IPO11: variants seen among roughly 807,000 people sequenced by gnomAD.
IPO11 encodes the protein importin-11.
A neutral mutation model predicts 143.2 loss-of-function variants in IPO11; 66 were observed. That is an observed-to-expected ratio of 0.46 (90% CI 0.38 to 0.57). The LOEUF is 0.57. IPO11 is among the 20% of genes least tolerant of loss of function. The probability of loss-of-function intolerance (pLI) is 0.00; values close to 1 mark genes in which losing one functional copy is unlikely to be tolerated. For synonymous variants in IPO11, 385 were observed against 377.8 expected (o/e 1.02, Z -0.22); for missense variants, 1,026 against 1,141.0 (o/e 0.90, Z 1.45).
intron 1 of IPO11, chr5:62,418,863 T>G (rs1743390167): frequency 1.2e-6 from 1 of 818,570 alleles, no homozygotes; most frequent in Admixed American, 3.0e-5. Context: ...CTTATATGCC[T>G]GTGCAGGGGT....
intron 3 of IPO11, among the ~76,000 whole-genome samples, chr5:62,445,757 G>T (rs939944885): frequency 1.3e-5 from 2 of 152,138 alleles, no homozygotes; most frequent in Admixed American, 6.5e-5. Context: ...ATGATGTTCA[G>T]TAGGTTAGAT....
chr5:62,557,741 C>G (rs1743626973), intron 26 of IPO11, among the ~76,000 whole-genome samples: 2 of 152,026 alleles, frequency 1.3e-5, no homozygotes, highest in Admixed American at 1.3e-4. Flanking sequence ...ATGCTGTGTT[C>G]TTATTCTGGA....
intron 1 of IPO11, among the ~76,000 whole-genome samples, chr5:62,415,610 C>T (rs555431213): frequency 3.3e-5 from 5 of 151,562 alleles, no homozygotes; most frequent in African/African-American, 7.3e-5. Flanking sequence ...CTGGGATTAC[C>T]GGCATGCACC....
At chr5:62,563,164 A>G (rs566600626) in intron 27 of IPO11, among the ~76,000 whole-genome samples, 2 of 152,360 alleles carry the variant, frequency 1.3e-5, no homozygotes, top group South Asian at 2.1e-4. Context: ...TAAGTTACCT[A>G]CATTTTAACT....
chr5:62,470,814 TTC>T (rs1745741147), intron 7 of IPO11, among the ~76,000 whole-genome samples: 4 of 107,650 alleles, frequency 3.7e-5, no homozygotes, highest in African/African-American at 1.5e-4. Flanking sequence ...GATAGCCATC[TTC>T]TTTTTTTTTT....
intron 29 of IPO11, among the ~76,000 whole-genome samples, chr5:62,608,200 CT>C (rs1745798581): frequency 6.6e-6 from 1 of 152,154 alleles, no homozygotes; most frequent in Non-Finnish European, 1.5e-5. Flanking sequence ...CTAATCATTC[CT>C]TTTCTTTTGG....
chr5:62,558,304 CAAT>C (rs1743646267), intron 26 of IPO11, among the ~76,000 whole-genome samples: 1 of 152,112 alleles, frequency 6.6e-6, no homozygotes, highest in Non-Finnish European at 1.5e-5. Context: ...AATAAACTAT[CAAT>C]AATAAGCTAG....
At chr5:62,533,964 AAAAG>A (rs70981022) in intron 22 of IPO11, among the ~76,000 whole-genome samples, 5 of 148,658 alleles carry the variant, frequency 3.4e-5, no homozygotes, top group South Asian at 2.1e-4. Context: ...AAAAAAAAAA[AAAAG>A]AAAGCCACTG....
chr5:62,544,882 A>C (rs1743102533), intron 24 of IPO11, among the ~76,000 whole-genome samples: 2 of 152,200 alleles, frequency 1.3e-5, no homozygotes. Flanking sequence ...TAGGAATCCA[A>C]CTTACAAGGG....
intron 1 of IPO11, among the ~76,000 whole-genome samples, chr5:62,420,028 C>T (rs80253772): frequency 1.3e-5 from 2 of 152,022 alleles, no homozygotes; most frequent in East Asian, 1.9e-4. Context: ...TGGTGGCTCA[C>T]GCCTGTAATC....
At chr5:62,598,564 T>C (rs182367214) in intron 28 of IPO11, among the ~76,000 whole-genome samples, 2 of 14,744 alleles carry the variant, frequency 1.4e-4, no homozygotes, top group African/African-American at 2.6e-3. Context: ...TTTTTTTTTT[T>C]TATGGAGTCT....
At chr5:62,482,393 A>G (rs925345710) in intron 9 of IPO11, among the ~76,000 whole-genome samples, 78 of 152,228 alleles carry the variant, frequency 5.1e-4, no homozygotes, top group African/African-American at 1.8e-3. Flanking sequence ...TGTTGATTTT[A>G]GATCTTTCCT....
At chr5:62,500,925 A>G (rs1455271510) in intron 16 of IPO11, among the ~76,000 whole-genome samples, 1 of 152,156 alleles carries the variant, frequency 6.6e-6, no homozygotes, top group African/African-American at 2.4e-5. Context: ...GGAATTTTCA[A>G]CTCAGTTATA....
intron 29 of IPO11, among the ~76,000 whole-genome samples, chr5:62,620,506 G>A (rs6449601): frequency 0.61 from 88,421 of 145,090 alleles, 27,260 homozygotes; most frequent in South Asian, 0.69. Context: ...GCAACAGAGC[G>A]AGACTCTGTC....
chr5:62,595,321 C>G (rs1433176842), intron 28 of IPO11, among the ~76,000 whole-genome samples: 1 of 152,122 alleles, frequency 6.6e-6, no homozygotes, highest in Non-Finnish European at 1.5e-5. Context: ...GAAGGATTAG[C>G]AGGAAATGGG....
chr5:62,539,465 C>T (rs182582939), intron 24 of IPO11, among the ~76,000 whole-genome samples: 76 of 152,272 alleles, frequency 5.0e-4, no homozygotes, highest in Middle Eastern at 3.4e-3. Flanking sequence ...ATCTGGGATA[C>T]GGCAGAACTC....
At chr5:62,520,366 A>T (rs1742162629) in intron 20 of IPO11, among the ~76,000 whole-genome samples, 1 of 151,300 alleles carries the variant, frequency 6.6e-6, no homozygotes, top group Non-Finnish European at 1.5e-5. Context: ...TCTTGAAGAG[A>T]TACGACAGAT....
intron 1 of IPO11, among the ~76,000 whole-genome samples, chr5:62,436,646 C>G (rs1213574377): frequency 6.6e-6 from 1 of 152,154 alleles, no homozygotes; most frequent in East Asian, 1.9e-4. Flanking sequence ...TGACCCAGCC[C>G]TTAAGATCCT....
chr5:62,519,204 ACTAC>A lies in IPO11; in HGVS notation c.1896+3707_1896+3710del, dbSNP rs559311743. Among the ~76,000 whole-genome samples, 29 of 152,276 alleles carry A rather than the reference ACTAC, an allele frequency of 1.9e-4. No homozygotes were observed. The South Asian group carries it at 2.9e-3, about 15-fold the overall frequency. ...AGGCATATGAACTGACATGTGTAAAACTACCTAAGCATTAGAGAATGCAGTACAT... is the reference window on the plus strand; with the variant it reads ...AGGCATATGAACTGACATGTGTAAAACTAAGCATTAGAGAATGCAGTACAT... On this transcript the variant is annotated intron_variant, in intron 20 of 29. Coordinates refer to ENST00000325324, the MANE Select transcript of IPO11 (RefSeq NM_016338.5).
Sources: allele counts gnomAD v4.1 joint callset (sites outside exome capture counted in the v4.1 genomes callset), GRCh38; gene constraint gnomAD v4.1.1; transcripts MANE v1.5; gene names NCBI Gene and HGNC (gene_info 2026-07-23, HGNC 2026-07-21).